Variants in CLIP2 observed in about 807,000 individuals in gnomAD.
CLIP2 encodes CAP-Gly domain-containing linker protein 2.
CLIP2 carries 41 observed loss-of-function variants against 111.7 expected under a neutral mutation model. The observed-to-expected ratio is 0.37, with a 90% CI of 0.29 to 0.48. The LOEUF (loss-of-function observed/expected upper bound fraction) is 0.48. Ranked by LOEUF, CLIP2 falls within the 20% of genes least tolerant of loss-of-function variation. The pLI is 0.99. For synonymous variants in CLIP2, 660 were observed against 644.2 expected (o/e 1.02, Z -0.37); for missense variants, 1,160 against 1,422.1 (o/e 0.82, Z 2.96).
intron 13 of CLIP2, among the ~76,000 whole-genome samples, 179 bp from the exon 14 acceptor site, chr7:74,396,895 G>A (rs1021364196): frequency 6.6e-6 from 1 of 151,562 alleles, no homozygotes; most frequent in Non-Finnish European, 1.5e-5. Context: ...CCAAATCCTG[G>A]CCCCTCTTGG....
In CLIP2 at chr7:74,376,435, C is replaced by T. The variant is rs369647709; in HGVS notation, c.2034C>T (p.His678=). 37 of 1,613,970 alleles carry T rather than the reference C, an allele frequency of 2.3e-5. No individual in the cohort carries two copies. The East Asian group carries it at 6.0e-4, about 26-fold the overall frequency. The stretch of plus-strand genomic sequence containing the variant: ...AGCATGACCTGGAGACCGCCATGCA[C>T]GTGAAGGAGAAGGAGGCCCTGCGAG... The part of the protein sequence containing the change: ...QAKHDLETAM[H]VKEKEALREK... The change falls in exon 10 of 17, where the codon CAC becomes CAT. Residue 678 remains histidine, a synonymous_variant. Transcript: ENST00000223398. This position sits in a 1 kb window ranked among gnomAD's most constrained non-coding sequence, Gnocchi z 7.1.
intron 14 of CLIP2, among the ~76,000 whole-genome samples, chr7:74,399,620 A>C (rs376053452): frequency 6.7e-6 from 1 of 150,072 alleles, no homozygotes; most frequent in African/African-American, 2.4e-5. Flanking sequence ...GCTCACTGCA[A>C]CCTCCACCTC....
intron 12 of CLIP2, 136 bp from the exon 13 acceptor site, chr7:74,388,967 T>G (rs367787756): frequency 2.8e-6 from 3 of 1,082,942 alleles, no homozygotes; most frequent in East Asian, 2.6e-5. Flanking sequence ...AAAAAAACCG[T>G]CAAAACTATG....
At position 74,353,895 on chromosome 7, in the gene CLIP2, A is replaced by G. The variant is rs1554308007; in HGVS notation, c.694A>G (p.Thr232Ala). 1.2e-6 allele frequency: 2 copies of G among 1,614,160 alleles called. No homozygotes were observed. Among genetic ancestry groups the G allele is most frequent in the South Asian group, 2.2e-5 (2 of 91,088 alleles). Residue 232 changes from threonine to alanine, a missense_variant, in exon 4 of 17, where the codon ACT (threonine) becomes GCT (alanine). By Grantham distance (58) the Thr-to-Ala change is moderately conservative. Around this residue, in one of 5 missense-constraint regions of CLIP2, gnomAD observed 110 missense variants for 185.2 expected, o/e 0.59. Transcript: ENST00000223398. ...GTGCCGACAGGTTGGCGGGACGAAGACTGGCGTGGTGCGGTACGTGGGGGA... is the reference window on the plus strand; with the variant it reads ...GTGCCGACAGGTTGGCGGGACGAAGGCTGGCGTGGTGCGGTACGTGGGGGA... Reference protein sequence around the residue: ...GDRVLVGGTKTGVVRYVGETD... With the variant: ...GDRVLVGGTKAGVVRYVGETD...
chr7:74,354,035 AG>A (rs782069691), intron 4 of CLIP2, 31 bp downstream of exon 4: 1 of 1,590,030 alleles, frequency 6.3e-7, no homozygotes, highest in Non-Finnish European at 8.6e-7. Flanking sequence ...GGAGTATGGG[AG>A]GGGGCTCCTC....
At chr7:74,298,336 C>T (rs2116450045) in intron 1 of CLIP2, among the ~76,000 whole-genome samples, 1 of 151,092 alleles carries the variant, frequency 6.6e-6, no homozygotes, top group African/African-American at 2.4e-5. Context: ...CAGGTGCCTA[C>T]CACCACACCC....
chr7:74,359,662 G>C (rs1393898160), intron 6 of CLIP2, among the ~76,000 whole-genome samples: 1 of 152,114 alleles, frequency 6.6e-6, no homozygotes, highest in Non-Finnish European at 1.5e-5. Context: ...GCCCATTTCA[G>C]ATTATTTTTT....
intron 3 of CLIP2, among the ~76,000 whole-genome samples, chr7:74,346,730 A>AC (rs1322445573): frequency 9.6e-4 from 93 of 96,668 alleles, no homozygotes; most frequent in African/African-American, 2.4e-3. Flanking sequence ...AAAAAAAAAA[A>AC]AAAAAAAAAA....
chr7:74,397,569 G>A (rs562315832), intron 14 of CLIP2, among the ~76,000 whole-genome samples: 2 of 152,030 alleles, frequency 1.3e-5, no homozygotes, highest in South Asian at 4.2e-4. Context: ...CCTTGCTCAG[G>A]GTCCTGCAGT....
rs1318240355 is a variant in CLIP2, at chr7:74,349,474, A to G, written c.679-4406A>G. On this transcript the variant is annotated intron_variant, in intron 3 of 16. Coordinates refer to ENST00000223398, the MANE Select transcript of CLIP2 (RefSeq NM_003388.5). ...TATGTATGTGTGTGTGTGTGTGTATATATATATATATATATATATATATAT... is the reference window on the plus strand; with the variant it reads ...TATGTATGTGTGTGTGTGTGTGTATGTATATATATATATATATATATATAT... 3.1e-3 allele frequency among the ~76,000 whole-genome samples: 276 copies of G among 90,092 alleles called. 1 individual carries two copies. Among genetic ancestry groups the G allele is most frequent in the African/African-American group, 6.6e-3 (123 of 18,520 alleles). 59.1% of individuals were successfully genotyped at this position (90,092 alleles called of 152,430 possible).
chr7:74,381,608 C>T lies in CLIP2; in HGVS notation c.2479+745C>T, dbSNP rs1445148543. 8 of 456,076 alleles carry T rather than the reference C, an allele frequency of 1.8e-5. No individual in the cohort carries two copies. In the Admixed American group the frequency reaches 1.9e-4, roughly 11 times the overall value. 28.3% of individuals were successfully genotyped at this position (456,076 alleles called of 1,614,324 possible). ...CGCAGTGTTAGCTTCTTTATATCCCCTTTCCAGAAATATTTTGTGCAGGTA... is the reference window on the plus strand; with the variant it reads ...CGCAGTGTTAGCTTCTTTATATCCCTTTTCCAGAAATATTTTGTGCAGGTA... On this transcript the variant is annotated intron_variant, in intron 11 of 16. Coordinates refer to ENST00000223398, the MANE Select transcript of CLIP2 (RefSeq NM_003388.5).
rs1157709962 is a variant in CLIP2 at position 74,289,460 on chromosome 7, C to A, written c.-342C>A. ...CTGGCTCCGCTGGCTCCGCTGGCTC[C>A]GCGGGCGCTCAGCTCGGCTCGGCCG... On this transcript the variant is annotated 5_prime_UTR_variant, in exon 1 of 17. Coordinates refer to ENST00000223398, the MANE Select transcript of CLIP2 (RefSeq NM_003388.5). The A allele has an allele frequency of 6.6e-6, 1 of 151,036 alleles. No individual in the cohort carries two copies. The highest frequency in any genetic ancestry group is 2.4e-5 in the African/African-American group (1 of 41,438). The allele number at this position is 151,036 out of a possible 1,614,324, so 9.4% of individuals were successfully genotyped here. A position where few individuals can be genotyped will look rare whatever the true frequency, so the allele number is the denominator to read the frequency against.
At chr7:74,349,447 A>AAG (rs371185115) in intron 3 of CLIP2, among the ~76,000 whole-genome samples, 1 of 75,746 alleles carries the variant, frequency 1.3e-5, no homozygotes, top group Non-Finnish European at 2.4e-5. Flanking sequence ...AAAAAAAAAA[A>AAG]GTATGTATGT....
chr7:74,313,953 C>T (rs577380364), intron 1 of CLIP2, among the ~76,000 whole-genome samples: 12 of 151,612 alleles, frequency 7.9e-5, no homozygotes, highest in South Asian at 4.2e-4. Context: ...GAAGCCGAGG[C>T]GGTAGAATTG....
chr7:74,328,855 A>G (rs1245240053), intron 2 of CLIP2, among the ~76,000 whole-genome samples: 1 of 151,016 alleles, frequency 6.6e-6, no homozygotes, highest in Non-Finnish European at 1.5e-5. Flanking sequence ...CTCCTCTCTC[A>G]GCCTCCCAAG....
intron 2 of CLIP2, among the ~76,000 whole-genome samples, chr7:74,334,808 G>A (rs1235590234): frequency 8.6e-5 from 11 of 127,650 alleles, no homozygotes; most frequent in Non-Finnish European, 1.2e-4. Flanking sequence ...GCAAAACCCC[G>A]TCTCTAATAA....
intron 9 of CLIP2, among the ~76,000 whole-genome samples, chr7:74,375,386 T>TA (rs1157817529): frequency 1.3e-5 from 2 of 151,238 alleles, no homozygotes; most frequent in South Asian, 2.1e-4. Flanking sequence ...CCATCTTTAC[T>TA]AAAAAAACAC....
intron 10 of CLIP2, among the ~76,000 whole-genome samples, chr7:74,379,496 C>T (rs1452013583): frequency 1.3e-5 from 2 of 152,184 alleles, no homozygotes; most frequent in Admixed American, 1.3e-4. Flanking sequence ...GGTGCTGTGG[C>T]TCACACCTGT....
chr7:74,400,240 C>T (rs1554317313), intron 14 of CLIP2, 130 bp from the exon 15 acceptor site: 1 of 764,616 alleles, frequency 1.3e-6, no homozygotes, highest in African/African-American at 1.8e-5. Flanking sequence ...CCTGAGGGAC[C>T]TCTGGGTGAT....
Sources: allele counts gnomAD v4.1 joint callset (sites outside exome capture counted in the v4.1 genomes callset), GRCh38; gene constraint gnomAD v4.1.1; regional missense constraint gnomAD v4.1.1; non-coding constraint Gnocchi (gnomAD v3.1); transcripts MANE v1.5; gene names NCBI Gene and HGNC (gene_info 2026-07-23, HGNC 2026-07-21).